The following RTL4 variants were observed in gnomAD, a reference collection of about 807,000 sequenced individuals.
The protein encoded by RTL4 is retrotransposon Gag-like protein 4.
A neutral mutation model predicts 5.3 loss-of-function variants in RTL4; 4 were observed. That is an observed-to-expected ratio of 0.75 (90% confidence interval 0.37 to 1.72). The LOEUF is 1.72. Ranked by LOEUF, RTL4 falls within the 40% of genes most tolerant of loss-of-function variation. The pLI, the probability that RTL4 is intolerant of heterozygous loss-of-function variation, is 0.04. For missense variants in RTL4, 260 were observed against 227.1 expected, an observed-to-expected ratio of 1.14 and a Z score of -0.93; for synonymous variants, 98 against 87.3, an observed-to-expected ratio of 1.12 and a Z score of -0.68.
chrX:112,286,248 G>A, the RTL4 span, among the ~76,000 whole-genome samples: 3 of 112,093 alleles, frequency 2.7e-5, no homozygotes, highest in African/African-American at 6.5e-5. Flanking sequence ...GTAGAAATAC[G>A]TTTCGTGTAT....
chrX:112,450,492 T>C (rs1298905888), upstream of RTL4, among the ~76,000 whole-genome samples: 1 of 111,831 alleles, frequency 8.9e-6, no homozygotes, highest in Non-Finnish European at 1.9e-5. Context: ...CTGGCAAGCT[T>C]TGTCCCAGGA....
At chrX:112,096,200 G>A in the RTL4 span, among the ~76,000 whole-genome samples, 2 of 111,797 alleles carry the variant, frequency 1.8e-5, no homozygotes, top group African/African-American at 3.2e-5. Context: ...GAGTTGTTAA[G>A]AAGATTAAAT....
the RTL4 span, among the ~76,000 whole-genome samples, chrX:112,332,923 G>T: frequency 9.0e-6 from 1 of 111,095 alleles, no homozygotes; most frequent in African/African-American, 3.3e-5. Context: ...GTGCTCTGTT[G>T]TTAGGTGCAT....
chrX:112,383,205 A>G, the RTL4 span, among the ~76,000 whole-genome samples: 734 of 111,683 alleles, frequency 6.6e-3, 4 homozygotes, highest in African/African-American at 0.022. Context: ...TTTAAATTAT[A>G]TATTTCTAGG....
chrX:112,208,912 C>T, the RTL4 span, among the ~76,000 whole-genome samples: 1 of 112,304 alleles, frequency 8.9e-6, no homozygotes, highest in South Asian at 3.7e-4. Context: ...TACTCTAAGA[C>T]CTTTGTTATC....
the RTL4 span, among the ~76,000 whole-genome samples, chrX:112,301,529 T>G: frequency 9.0e-6 from 1 of 111,517 alleles, no homozygotes; most frequent in East Asian, 2.8e-4. Flanking sequence ...GTGCAAGGGA[T>G]TCATAATTCT....
At chrX:112,351,945 G>T in the RTL4 span, among the ~76,000 whole-genome samples, 1 of 111,672 alleles carries the variant, frequency 9.0e-6, no homozygotes, top group Non-Finnish European at 1.9e-5. Flanking sequence ...TTTAGTTGAT[G>T]CAGTTTCTTC....
the RTL4 span, among the ~76,000 whole-genome samples, chrX:112,376,394 G>A: frequency 1.8e-5 from 2 of 111,436 alleles, no homozygotes; most frequent in Non-Finnish European, 3.8e-5. Context: ...TGGAGTTCTA[G>A]GCCAAGTTCA....
the RTL4 span, among the ~76,000 whole-genome samples, chrX:112,230,831 G>T: frequency 9.0e-6 from 1 of 111,620 alleles, no homozygotes; most frequent in Non-Finnish European, 1.9e-5. Context: ...CTACTCATCT[G>T]ACAAAGGGCT....
At chrX:112,221,507 C>A in the RTL4 span, among the ~76,000 whole-genome samples, 1 of 112,006 alleles carries the variant, frequency 8.9e-6, no homozygotes, top group Non-Finnish European at 1.9e-5. Flanking sequence ...CAGCCAAGCT[C>A]TTTCCAAATG....
chrX:112,218,930 G>A, the RTL4 span, among the ~76,000 whole-genome samples: 1 of 111,808 alleles, frequency 8.9e-6, no homozygotes, highest in African/African-American at 3.3e-5. Context: ...GAAAAGAAAG[G>A]AAGTTTGCCT....
chrX:112,132,468 T>G, the RTL4 span, among the ~76,000 whole-genome samples: 2 of 111,074 alleles, frequency 1.8e-5, no homozygotes, highest in East Asian at 5.7e-4. Flanking sequence ...TGGACCCCTT[T>G]GAGATTCTGA....
chrX:112,162,746 C>T, the RTL4 span, among the ~76,000 whole-genome samples: 15 of 111,795 alleles, frequency 1.3e-4, no homozygotes, highest in African/African-American at 4.6e-4. Context: ...CTACAACAGA[C>T]GAGTCTCCCC....
chrX:112,168,951 C>CT, the RTL4 span, among the ~76,000 whole-genome samples: 1 of 105,585 alleles, frequency 9.5e-6, no homozygotes, highest in African/African-American at 3.5e-5. Flanking sequence ...TTCTTTCTTT[C>CT]TTTCTTTCTT....
chrX:112,435,623 T>C, the RTL4 span, among the ~76,000 whole-genome samples: 671 of 111,271 alleles, frequency 6.0e-3, 3 homozygotes, highest in African/African-American at 0.021. Flanking sequence ...GTAGGAGAGA[T>C]GGAGGTAAAA....
At chrX:112,237,496 C>G in the RTL4 span, among the ~76,000 whole-genome samples, 6 of 112,085 alleles carry the variant, frequency 5.4e-5, no homozygotes, top group Non-Finnish European at 9.4e-5. Flanking sequence ...AGTATTGTAG[C>G]CAGCAGGAGG....
chrX:112,420,122 C>T, the RTL4 span, among the ~76,000 whole-genome samples: 1 of 110,815 alleles, frequency 9.0e-6, no homozygotes, highest in South Asian at 3.9e-4. Context: ...ATATCTTCTT[C>T]CCCAGAGATG....
At chrX:112,343,687 G>A in the RTL4 span, among the ~76,000 whole-genome samples, 3 of 111,842 alleles carry the variant, frequency 2.7e-5, no homozygotes, top group African/African-American at 9.7e-5. Context: ...AGCAGCCCAG[G>A]ACTAGTGTAT....
chrX:112,174,560 AT>A, the RTL4 span, among the ~76,000 whole-genome samples: 2 of 103,873 alleles, frequency 1.9e-5, no homozygotes, highest in African/African-American at 7.0e-5. Context: ...ATGTGTCTTT[AT>A]AGCAGCATGA....
Sources: gnomAD v4.1 joint callset for allele counts (sites outside exome capture counted in the v4.1 genomes callset) on GRCh38, gnomAD v4.1.1 for gene constraint, MANE v1.5 for transcripts, NCBI Gene and HGNC (gene_info 2026-07-23, HGNC 2026-07-21) for gene names.